Variants in CNTNAP2 observed in about 807,000 individuals in gnomAD.
CNTNAP2 encodes contactin associated protein 2.
In CNTNAP2, 98 loss-of-function variants were observed where a neutral mutation model predicts 155.2. The observed-to-expected ratio is 0.63, with a 90% CI of 0.54 to 0.75. CNTNAP2 has a LOEUF of 0.75. Ranked by LOEUF, CNTNAP2 falls within the 30% of genes least tolerant of loss-of-function variation. The probability of loss-of-function intolerance (pLI) is 0.00; values close to 1 mark genes in which losing one functional copy is unlikely to be tolerated. For synonymous variants in CNTNAP2, 651 were observed against 631.2 expected (o/e 1.03, Z -0.47); for missense variants, 1,727 against 1,688.1 (o/e 1.02, Z -0.40).
intron 21 of CNTNAP2, among the ~76,000 whole-genome samples, chr7:148,356,421 T>A (rs1343894224): frequency 1.3e-5 from 2 of 152,236 alleles, no homozygotes; most frequent in African/African-American, 2.4e-5. Context: ...ACAGACAGTG[T>A]CAGCCACTGA....
intron 1 of CNTNAP2, among the ~76,000 whole-genome samples, chr7:146,125,581 CAAAAAAA>C (rs57234097): frequency 8.5e-5 from 5 of 58,874 alleles, no homozygotes; most frequent in East Asian, 6.9e-4. Context: ...ACTCCGTCTC[CAAAAAAA>C]AAAAAAAAAA....
rs570190374 is a variant in CNTNAP2, at chr7:147,128,831, A to G, written c.1078A>G (p.Asn360Asp). The change falls in exon 7 of 24, where the codon AAT becomes GAT. Residue 360 changes from asparagine (N) to aspartate (D), a missense_variant. By Grantham distance (23) the Asn-to-Asp change is conservative. Transcript: ENST00000361727. ...CAGAAGGAAGAAATTAGAGCCCTCA[A>G]ATGTGGTAAGGATTTTCACCCGCAA... ...LARRKKLEPS[N>D]VGNLSFSCVE... The G allele has an allele frequency of 3.0e-5, 49 of 1,614,018 alleles. No homozygotes were observed. In the East Asian group the frequency reaches 9.4e-4, roughly 31 times the overall value.
intron 1 of CNTNAP2, among the ~76,000 whole-genome samples, chr7:146,378,901 A>G (rs1475502500): frequency 6.6e-6 from 1 of 152,254 alleles, no homozygotes; most frequent in African/African-American, 2.4e-5. Flanking sequence ...AGAGAAATCA[A>G]GAAAGCAGAG....
chr7:148,128,965 A>G (rs1389579835), intron 16 of CNTNAP2, among the ~76,000 whole-genome samples: 2 of 151,932 alleles, frequency 1.3e-5, no homozygotes, highest in Non-Finnish European at 1.5e-5. Flanking sequence ...CGTGGAGGGT[A>G]CCTTCCTGGT....
intron 1 of CNTNAP2, among the ~76,000 whole-genome samples, chr7:146,332,338 CTGTT>C (rs1801201538): frequency 6.6e-6 from 1 of 152,016 alleles, no homozygotes; most frequent in African/African-American, 2.4e-5. Flanking sequence ...CACATTCATA[CTGTT>C]TGTTTCTGCT....
chr7:146,898,339 T>C (rs1795919991), intron 3 of CNTNAP2, among the ~76,000 whole-genome samples: 2 of 152,194 alleles, frequency 1.3e-5, no homozygotes, highest in African/African-American at 4.8e-5. Context: ...AGCACAAAAA[T>C]ATGGAGCAAA....
At chr7:146,544,849 T>C (rs2129141616) in intron 1 of CNTNAP2, among the ~76,000 whole-genome samples, 1 of 152,036 alleles carries the variant, frequency 6.6e-6, no homozygotes, top group Non-Finnish European at 1.5e-5. Flanking sequence ...TAGATAGTGT[T>C]GACAGTATAG....
At chr7:146,530,599 C>T (rs1251822106) in intron 1 of CNTNAP2, among the ~76,000 whole-genome samples, 2 of 152,058 alleles carry the variant, frequency 1.3e-5, no homozygotes, top group Admixed American at 6.6e-5. Context: ...AAGGCATACA[C>T]GTGGCCAAAA....
chr7:147,680,695 C>T (rs2116979112), intron 13 of CNTNAP2, among the ~76,000 whole-genome samples: 1 of 151,950 alleles, frequency 6.6e-6, no homozygotes, highest in South Asian at 2.1e-4. Flanking sequence ...TTTAAGCAAG[C>T]AGACATAAAA....
In CNTNAP2 at chr7:146,655,589, C is replaced by A. The variant is rs535730198; in HGVS notation, c.98-118682C>A. 2.0e-5 allele frequency among the ~76,000 whole-genome samples: 3 copies of A among 151,994 alleles called. No individual in the cohort carries two copies. The South Asian group carries it at 6.2e-4, about 32-fold the overall frequency. On this transcript the variant is annotated intron_variant, in intron 1 of 23. Coordinates refer to ENST00000361727, the MANE Select transcript of CNTNAP2 (RefSeq NM_014141.6). ...CTTCATTTTTGGAAACAGAAAAATG[C>A]CAATTATCATCCATGCTTGTGAATA...
At position 147,620,408 on chromosome 7, in the gene CNTNAP2, T is replaced by C. The variant is rs535606450; in HGVS notation, c.1898-18698T>C. The stretch of plus-strand genomic sequence containing the variant: ...AGACAGAGAATTCAAAATAGCTGTT[T>C]TAAGGAAACTCAAATTTAAGATAAA... On this transcript the variant is annotated intron_variant, in intron 12 of 23. Coordinates refer to ENST00000361727, the MANE Select transcript of CNTNAP2 (RefSeq NM_014141.6). Among the ~76,000 whole-genome samples, 20 of 152,172 alleles carry C rather than the reference T, an allele frequency of 1.3e-4. No individual in the cohort carries two copies. In the South Asian group the frequency reaches 4.1e-3, roughly 32 times the overall value.
intron 8 of CNTNAP2, among the ~76,000 whole-genome samples, chr7:147,254,245 C>T (rs1209935289): frequency 1.3e-5 from 2 of 152,126 alleles, no homozygotes; most frequent in East Asian, 1.9e-4. Flanking sequence ...GTCATTCTTG[C>T]TCGCCTTTTC....
intron 1 of CNTNAP2, among the ~76,000 whole-genome samples, chr7:146,246,226 T>A (rs1228237254): frequency 1.3e-5 from 2 of 150,102 alleles, no homozygotes; most frequent in Admixed American, 6.6e-5. Flanking sequence ...CTTATACTTG[T>A]GGGTTAAGGT....
At chr7:146,480,151 A>T (rs1563100245) in intron 1 of CNTNAP2, among the ~76,000 whole-genome samples, 1 of 152,228 alleles carries the variant, frequency 6.6e-6, no homozygotes, top group Admixed American at 6.5e-5. Context: ...ATTATTTCGT[A>T]GAATCATCTC....
chr7:146,548,003 G>GT (rs1261149562), intron 1 of CNTNAP2, among the ~76,000 whole-genome samples: 1 of 151,626 alleles, frequency 6.6e-6, no homozygotes, highest in African/African-American at 2.4e-5. Context: ...ACATGTGTAG[G>GT]TTTGTTACAC....
intron 2 of CNTNAP2, among the ~76,000 whole-genome samples, chr7:146,819,350 T>C (rs566861939): frequency 6.6e-6 from 1 of 152,140 alleles, no homozygotes; most frequent in Admixed American, 6.6e-5. Context: ...CTATTTTTAC[T>C]TGAAAAGAGT....
chr7:146,635,620 G>A (rs1799583922), intron 1 of CNTNAP2, among the ~76,000 whole-genome samples: 1 of 152,158 alleles, frequency 6.6e-6, no homozygotes, highest in African/African-American at 2.4e-5. Context: ...TCTTGGTTAA[G>A]CTGCATGGGG....
At chr7:146,550,624 G>T (rs1201222424) in intron 1 of CNTNAP2, among the ~76,000 whole-genome samples, 1 of 151,712 alleles carries the variant, frequency 6.6e-6, no homozygotes, top group Non-Finnish European at 1.5e-5. Flanking sequence ...TATGACTATA[G>T]CTTGTGCAAT....
rs532820418 is a variant in CNTNAP2, at chr7:146,760,409, C to CTTTTTTTTTTTTTTTTTTTTTTT, written c.98-13851_98-13829dup. Reference sequence around the variant, plus strand: ...CACCTCTGTATCATCTCCAATTTACCTTTTTTTTTTTTTTTTTTTTTTTTT... The same window carrying CTTTTTTTTTTTTTTTTTTTTTTT: ...CACCTCTGTATCATCTCCAATTTACCTTTTTTTTTTTTTTTTTTTTTTTTTTTTTTTTTTTTTTTTTTTTTTTT... On this transcript the variant is annotated intron_variant, in intron 1 of 23. Transcript: ENST00000361727. 7.6e-4 allele frequency among the ~76,000 whole-genome samples: 43 copies of CTTTTTTTTTTTTTTTTTTTTTTT among 56,298 alleles called. 5 individuals are homozygous for CTTTTTTTTTTTTTTTTTTTTTTT. Among genetic ancestry groups the CTTTTTTTTTTTTTTTTTTTTTTT allele is most frequent in the South Asian group, 1.8e-3 (2 of 1,142 alleles). The allele number at this position is 56,298 out of a possible 152,430, so 36.9% of individuals were successfully genotyped here. A position where few individuals can be genotyped will look rare whatever the true frequency, so the allele number is the denominator to read the frequency against.
Sources: gnomAD v4.1 joint callset for allele counts (sites outside exome capture counted in the v4.1 genomes callset) on GRCh38, gnomAD v4.1.1 for gene constraint, MANE v1.5 for transcripts, NCBI Gene and HGNC (gene_info 2026-07-23, HGNC 2026-07-21) for gene names.